GCKR: variants seen among roughly 807,000 people sequenced by gnomAD.
GCKR encodes glucokinase regulatory protein.
A neutral mutation model predicts 82.9 loss-of-function variants in GCKR; 73 were observed. The observed-to-expected ratio is 0.88, with a 90% CI of 0.73 to 1.07. GCKR has a LOEUF of 1.07. GCKR is among the 50% of genes least tolerant of loss of function. The pLI, the probability that GCKR is intolerant of heterozygous loss-of-function variation, is 0.00. For missense variants in GCKR, 784 were observed against 782.1 expected (o/e 1.00, Z -0.03); for synonymous variants, 294 against 291.8 (o/e 1.01, Z -0.08).
chr2:27,502,940 T>G (rs1669620651), intron 8 of GCKR, among the ~76,000 whole-genome samples: 1 of 152,210 alleles, frequency 6.6e-6, no homozygotes, highest in African/African-American at 2.4e-5. Context: ...AGATAACAAG[T>G]CTGTAGCTCT....
intron 17 of GCKR, among the ~76,000 whole-genome samples, chr2:27,519,964 G>A (rs1255977939): frequency 3.3e-5 from 5 of 151,852 alleles, no homozygotes; most frequent in African/African-American, 7.3e-5. Flanking sequence ...TTGAGCAGAC[G>A]GCACAACAGA....
At position 27,496,946 on chromosome 2, in the gene GCKR, G is replaced by A. The variant is rs367699312; in HGVS notation, c.42G>A (p.Pro14=). ...GGTTTCAACATGTCATTGAGACCCC[G>A]GAGCCTGGCAAGTGGGAGGTGAGAC... ...TKRFQHVIET[P]EPGKWELSGY... The change falls in exon 1 of 19, where the codon CCG becomes CCA. Residue 14 remains proline, a synonymous_variant. Coordinates refer to ENST00000264717, the MANE Select transcript of GCKR (RefSeq NM_001486.4). 47 of 1,613,394 alleles carry A rather than the reference G, an allele frequency of 2.9e-5. No individual in the cohort carries two copies. The African/African-American group carries it at 4.0e-4, about 14-fold the overall frequency.
At position 27,510,868 on chromosome 2, in the gene GCKR, CAGT is replaced by C. The variant is rs1669866263; in HGVS notation, c.1422+2620_1422+2622del. 2.0e-5 allele frequency among the ~76,000 whole-genome samples: 3 copies of C among 151,494 alleles called. No homozygotes were observed. The South Asian group carries it at 6.2e-4, about 31-fold the overall frequency. On this transcript the variant is annotated intron_variant, in intron 16 of 18. Transcript: ENST00000264717. The stretch of plus-strand genomic sequence containing the variant: ...TAAGAAGGGGTGTGTATAGCAAAAA[CAGT>C]AGCCCTTTTTTTCTTTTCTATATTT...
chr2:27,499,019 A>G, intron 5 of GCKR, 123 bp from the exon 6 acceptor site: 1 of 745,322 alleles, frequency 1.3e-6, no homozygotes, highest in Non-Finnish European at 2.4e-6. Context: ...GCACCAACAA[A>G]CTGTGGGTGC....
Position 27,505,758 on chromosome 2 carries a change from G to T in GCKR, c.791G>T (p.Ser264Ile), listed in dbSNP as rs1324178397. The part of the protein sequence containing the change: ...LSGSSRMKGG[S>I]ATKILLETLL... ...GGCTCCTCCCGGATGAAAGGTGGAA[G>T]TGCCACCAAGATTCTGCTGGAAACC... Residue 264 changes from serine (S) to isoleucine (I), a missense_variant, in exon 10 of 19, where the codon AGT becomes ATT. Transcript: ENST00000264717. The T allele has an allele frequency of 1.9e-6, 3 of 1,612,310 alleles. No individual in the cohort carries two copies. The Admixed American group carries it at 5.0e-5, about 27-fold the overall frequency.
chr2:27,522,048 T>C (rs1313498197), intron 17 of GCKR, among the ~76,000 whole-genome samples: 1 of 152,154 alleles, frequency 6.6e-6, no homozygotes, highest in Non-Finnish European at 1.5e-5. Flanking sequence ...TACTGGACAA[T>C]GCTGAGCTAG....
In GCKR at chr2:27,518,840, G is replaced by A. The variant is rs756390961; in HGVS notation, c.1475G>A (p.Gly492Asp). Reference protein sequence around the residue: ...TKWVLNTVSTGAHVLLGKILQ... With the variant: ...TKWVLNTVSTDAHVLLGKILQ... The stretch of plus-strand genomic sequence containing the variant: ...TGGGTGCTGAATACAGTGAGTACAG[G>A]TGCTCATGTGCTTCTTGGTAAGATC... The change falls in exon 17 of 19, where the codon GGT becomes GAT. Residue 492 changes from glycine to aspartate, a missense_variant. By Grantham distance (94) the Gly-to-Asp change is moderately conservative (BLOSUM62 -1). Coordinates refer to ENST00000264717, the MANE Select transcript of GCKR (RefSeq NM_001486.4). 8 of 1,612,744 alleles carry A rather than the reference G, an allele frequency of 5.0e-6. No individual in the cohort carries two copies. Among genetic ancestry groups the A allele is most frequent in the Middle Eastern group, 1.7e-4 (1 of 6,058 alleles).
chr2:27,507,393 G>C, intron 13 of GCKR, 82 bp downstream of exon 13: 3 of 907,112 alleles, frequency 3.3e-6, no homozygotes, highest in Non-Finnish European at 5.5e-6. Context: ...GCGGAGCTAG[G>C]TGGGAAGTTC....
intron 6 of GCKR, 29 bp downstream of exon 6, chr2:27,499,237 A>T (rs922938036): frequency 6.5e-7 from 1 of 1,532,652 alleles, no homozygotes; most frequent in Admixed American, 1.7e-5. Context: ...CATTGACCAG[A>T]GACCTCTATC....
intron 10 of GCKR, 121 bp from the exon 11 acceptor site, chr2:27,506,360 C>T (rs1246905512): frequency 2.6e-6 from 2 of 758,488 alleles, no homozygotes; most frequent in Non-Finnish European, 4.8e-6. Context: ...CTGCACCTCT[C>T]CAGGGACCAG....
intron 8 of GCKR, among the ~76,000 whole-genome samples, chr2:27,502,668 T>C (rs1277358457): frequency 1.3e-5 from 2 of 152,182 alleles, no homozygotes; most frequent in Non-Finnish European, 2.9e-5. Context: ...GGAGACATTT[T>C]ATACAACGGG....
intron 13 of GCKR, 146 bp from the exon 14 acceptor site, chr2:27,507,534 CT>C: frequency 1.4e-6 from 1 of 691,416 alleles, no homozygotes; most frequent in Non-Finnish European, 2.6e-6. Flanking sequence ...GTTACATAAT[CT>C]TGGGCAAAAC....
At chr2:27,503,987 G>A (rs927057238) in intron 9 of GCKR, among the ~76,000 whole-genome samples, 1 of 152,204 alleles carries the variant, frequency 6.6e-6, no homozygotes, top group African/African-American at 2.4e-5. Flanking sequence ...AAAAAATGGG[G>A]TGCAGTTTTG....
chr2:27,505,321 A>G (rs1460960533), intron 9 of GCKR, among the ~76,000 whole-genome samples: 34 of 130,682 alleles, frequency 2.6e-4, no homozygotes, highest in African/African-American at 4.1e-4. Context: ...GCGTGAACCC[A>G]GGAGGCAGAG....
chr2:27,506,353 C>T, intron 10 of GCKR, 128 bp from the exon 11 acceptor site: 3 of 743,008 alleles, frequency 4.0e-6, no homozygotes, highest in Non-Finnish European at 7.4e-6. Flanking sequence ...CTACTCTCTG[C>T]ACCTCTCCAG....
chr2:27,519,183 A>G (rs1487355894), intron 17 of GCKR, among the ~76,000 whole-genome samples: 1 of 152,212 alleles, frequency 6.6e-6, no homozygotes, highest in Non-Finnish European at 1.5e-5. Context: ...ACGAGTTTAT[A>G]CTGGTTTAAG....
intron 11 of GCKR, 99 bp downstream of exon 11, chr2:27,506,678 G>A: frequency 9.1e-7 from 1 of 1,097,862 alleles, no homozygotes; most frequent in South Asian, 1.2e-5. Flanking sequence ...ATGGGCGATA[G>A]GATTGCATGT....
chr2:27,516,280 C>CTTTTTTTTTTTTTTTTT, intron 16 of GCKR, among the ~76,000 whole-genome samples: 1 of 88,398 alleles, frequency 1.1e-5, no homozygotes, highest in Admixed American at 1.1e-4. Flanking sequence ...GTTCTTCATT[C>CTTTTTTTTTTTTTTTTT]TTGTTTTTTT....
intron 17 of GCKR, 90 bp from the exon 18 acceptor site, chr2:27,522,370 C>T: frequency 7.4e-7 from 1 of 1,343,810 alleles, no homozygotes; most frequent in Non-Finnish European, 1.1e-6. Context: ...ATCCCAGCCT[C>T]TCACTCTCAT....
Sources: allele counts gnomAD v4.1 joint callset (sites outside exome capture counted in the v4.1 genomes callset), GRCh38; gene constraint gnomAD v4.1.1; transcripts MANE v1.5; gene names NCBI Gene and HGNC (gene_info 2026-07-23, HGNC 2026-07-21).